Variants in PHF21A observed in about 807,000 individuals in gnomAD.
The protein encoded by PHF21A is BHC80a.
PHF21A carries 11 observed loss-of-function variants against 82.5 expected under a neutral mutation model. That is an observed-to-expected ratio of 0.13 (90% CI 0.08 to 0.22). The LOEUF is 0.22. Ranked by LOEUF, PHF21A falls within the 10% of genes least tolerant of loss-of-function variation. The pLI is 1.00. For missense variants in PHF21A, 579 were observed against 837.8 expected, an observed-to-expected ratio of 0.69 and a Z score of 3.81; for synonymous variants, 297 against 302.8, an observed-to-expected ratio of 0.98 and a Z score of 0.20.
In PHF21A at chr11:45,979,742, T is replaced by C; in HGVS notation, c.360+18A>G. ...AGTCTACAATCTGCAGCCTGCAATG[T>C]TCCATCCACACATTTACCTGTGAAG... On this transcript the variant is annotated intron_variant, in intron 7 of 18. Transcript: ENST00000676320. The C allele has an allele frequency of 1.2e-6, 2 of 1,613,156 alleles. No individual in the cohort carries two copies. Among genetic ancestry groups the C allele is most frequent in the Non-Finnish European group, 1.7e-6 (2 of 1,180,028 alleles).
At chr11:46,078,625 C>T (rs2096755974) in intron 5 of PHF21A, among the ~76,000 whole-genome samples, 1 of 152,072 alleles carries the variant, frequency 6.6e-6, no homozygotes, top group South Asian at 2.1e-4. Context: ...CTTTTTAACC[C>T]TCCTTTAAGG....
chr11:45,963,564 A>C (rs905114109), intron 10 of PHF21A, among the ~76,000 whole-genome samples: 1 of 152,172 alleles, frequency 6.6e-6, no homozygotes, highest in African/African-American at 2.4e-5. Context: ...TCTACAATTT[A>C]TATTTTTGTA....
intron 9 of PHF21A, among the ~76,000 whole-genome samples, chr11:45,969,127 T>C (rs566125532): frequency 1.6e-4 from 25 of 152,214 alleles, no homozygotes; most frequent in Admixed American, 4.6e-4. Flanking sequence ...TCCTTCTTCT[T>C]CTCCCTTTGT....
intron 1 of PHF21A, chr11:46,120,317 G>A (rs1425083242): frequency 1.9e-5 from 2 of 105,528 alleles, no homozygotes; most frequent in African/African-American, 7.5e-5. Context: ...GGGTGGGGGG[G>A]ATGGAGGAGC....
intron 7 of PHF21A, among the ~76,000 whole-genome samples, chr11:45,977,850 T>G (rs536467255): frequency 6.6e-6 from 1 of 151,936 alleles, no homozygotes; most frequent in East Asian, 1.9e-4. Flanking sequence ...CTTCTTTTTT[T>G]TTTTTTGGTA....
intron 6 of PHF21A, among the ~76,000 whole-genome samples, chr11:46,061,946 G>C (rs1295740661): frequency 6.6e-6 from 1 of 152,142 alleles, no homozygotes; most frequent in Non-Finnish European, 1.5e-5. Flanking sequence ...TCAAGAGATG[G>C]GTTGGGTATA....
chr11:46,077,783 C>T (rs896416865), intron 5 of PHF21A, among the ~76,000 whole-genome samples: 4 of 152,214 alleles, frequency 2.6e-5, no homozygotes, highest in African/African-American at 9.7e-5. Flanking sequence ...ACATGATCAC[C>T]AACTATAACA....
At chr11:46,091,087 A>C (rs150161686) in intron 2 of PHF21A, among the ~76,000 whole-genome samples, 2 of 152,324 alleles carry the variant, frequency 1.3e-5, no homozygotes, top group East Asian at 3.9e-4. Flanking sequence ...TAACTAGTTC[A>C]AGTGCCTCCA....
rs553858682 is a variant in PHF21A, at chr11:46,068,155, A to C, written c.153+8599T>G. Among the ~76,000 whole-genome samples the C allele has an allele frequency of 3.9e-5, 6 of 152,278 alleles. No homozygotes were observed. The South Asian group carries it at 1.0e-3, about 26-fold the overall frequency. ...AAAGGTATCAGTGCTAATGAGCTTG[A>C]ATGCCTTGTAGGTCATAACCAGTCA... On this transcript the variant is annotated intron_variant, in intron 6 of 18. Transcript: ENST00000676320.
chr11:45,959,369 A>C (rs1591267416), intron 10 of PHF21A, among the ~76,000 whole-genome samples: 1 of 152,218 alleles, frequency 6.6e-6, no homozygotes, highest in Non-Finnish European at 1.5e-5. Context: ...TCTATTCATA[A>C]AAACACTCAG....
At chr11:46,054,536 T>C (rs1400557286) in intron 6 of PHF21A, among the ~76,000 whole-genome samples, 3 of 152,208 alleles carry the variant, frequency 2.0e-5, no homozygotes, top group African/African-American at 7.2e-5. Flanking sequence ...GCAGGATTTT[T>C]CAAAAGCTTT....
chr11:46,028,618 G>A (rs1015010866), intron 6 of PHF21A, among the ~76,000 whole-genome samples: 7 of 145,050 alleles, frequency 4.8e-5, no homozygotes, highest in Non-Finnish European at 9.0e-5. Flanking sequence ...CTGTCGCCCA[G>A]GCTGGAGTGC....
At position 45,965,205 on chromosome 11, in the gene PHF21A, A is replaced by G. The variant is rs1055227290; in HGVS notation, c.996+110T>C. Reference sequence around the variant, plus strand: ...GCACATAAGCGACAGCTTACTGACAATGGTGGTGAGATGAAGAGCCCTTGA... The same window carrying G: ...GCACATAAGCGACAGCTTACTGACAGTGGTGGTGAGATGAAGAGCCCTTGA... On this transcript the variant is annotated intron_variant, in intron 10 of 18. Transcript: ENST00000676320. 55 of 845,600 alleles carry G rather than the reference A, an allele frequency of 6.5e-5. No homozygotes were observed. In the African/African-American group the frequency reaches 8.5e-4, roughly 13 times the overall value. 52.4% of individuals were successfully genotyped at this position (845,600 alleles called of 1,614,324 possible). A position where few individuals can be genotyped will look rare whatever the true frequency, so the allele number is the denominator to read the frequency against.
At chr11:46,101,557 G>T (rs1414847986) in intron 1 of PHF21A, among the ~76,000 whole-genome samples, 1 of 152,010 alleles carries the variant, frequency 6.6e-6, no homozygotes, top group Admixed American at 6.6e-5. Flanking sequence ...TCCTATAAAG[G>T]CTCTTGTCTC....
chr11:46,050,528 A>C (rs2096342297), intron 6 of PHF21A, among the ~76,000 whole-genome samples: 2 of 152,238 alleles, frequency 1.3e-5, no homozygotes, highest in African/African-American at 4.8e-5. Flanking sequence ...AGACACCTTA[A>C]TTCTGCCAGC....
At chr11:46,075,133 T>C (rs776246019) in intron 6 of PHF21A, among the ~76,000 whole-genome samples, 2 of 152,208 alleles carry the variant, frequency 1.3e-5, no homozygotes, top group Non-Finnish European at 1.5e-5. Context: ...TTAACATAGA[T>C]AGTTGCAATT....
rs757723511 is a variant in PHF21A at position 45,965,528 on chromosome 11, G to A, written c.783C>T (p.Ile261=). ...PPPMLAAPQL[I]QRPVMLTKFT... is the part of the protein sequence containing the mutation. The stretch of plus-strand genomic sequence containing the variant: ...ACTTGGTCAGCATGACGGGCCTCTG[G>A]ATAAGCTGAGGAGCTGCGAGCATGG... The change falls in exon 10 of 19, where the codon ATC becomes ATT. Residue 261 remains isoleucine, a synonymous_variant. Transcript: ENST00000676320. 6.2e-7 allele frequency: 1 copy of A among 1,608,360 alleles called. No homozygotes were observed. Among genetic ancestry groups the A allele is most frequent in the Non-Finnish European group, 8.5e-7 (1 of 1,176,568 alleles).
At chr11:45,975,008 A>G (rs1381961633) in intron 7 of PHF21A, among the ~76,000 whole-genome samples, 2 of 152,136 alleles carry the variant, frequency 1.3e-5, no homozygotes, top group Non-Finnish European at 2.9e-5. Flanking sequence ...AATATGAAGT[A>G]TTGATTTAAA....
At chr11:46,066,269 T>C (rs1356122236) in intron 6 of PHF21A, among the ~76,000 whole-genome samples, 1 of 152,228 alleles carries the variant, frequency 6.6e-6, no homozygotes, top group Non-Finnish European at 1.5e-5. Flanking sequence ...TGATTACTGA[T>C]ATAGGTATTA....
Sources: allele counts gnomAD v4.1 joint callset (sites outside exome capture counted in the v4.1 genomes callset), GRCh38; gene constraint gnomAD v4.1.1; transcripts MANE v1.5; gene names NCBI Gene and HGNC (gene_info 2026-07-23, HGNC 2026-07-21).